Variants in PAWR observed in about 807,000 individuals in gnomAD.
PAWR encodes the protein pro-apoptotic WT1 regulator, also known as PRKC apoptosis WT1 regulator protein.
PAWR carries 23 observed loss-of-function variants against 32.0 expected under a neutral mutation model. The observed-to-expected ratio is 0.72, with a 90% CI of 0.52 to 1.02. The LOEUF (loss-of-function observed/expected upper bound fraction) is 1.02, where lower values mean the gene tolerates loss of function less well. Among genes scored for constraint, PAWR ranks in the 50% least tolerant of loss-of-function variants. PAWR has a pLI of 0.00. For missense variants in PAWR, 457 were observed against 437.7 expected, an observed-to-expected ratio of 1.04 and a Z score of -0.39; for synonymous variants, 226 against 187.1, an observed-to-expected ratio of 1.21 and a Z score of -1.70.
intron 2 of PAWR, among the ~76,000 whole-genome samples, chr12:79,645,067 C>CACACACAA (rs999026869): frequency 6.6e-6 from 1 of 151,300 alleles, no homozygotes; most frequent in African/African-American, 2.4e-5. Flanking sequence ...CACACACACA[C>CACACACAA]AAAAATCAAT....
intron 3 of PAWR, among the ~76,000 whole-genome samples, chr12:79,618,606 GT>G (rs1874858047): frequency 6.6e-6 from 1 of 151,964 alleles, no homozygotes. Flanking sequence ...TTAGCCTCTG[GT>G]AATCACCATT....
chr12:79,601,207 A>ATT (rs534042888), intron 4 of PAWR, among the ~76,000 whole-genome samples: 37 of 118,498 alleles, frequency 3.1e-4, no homozygotes, highest in Non-Finnish European at 5.4e-4. Context: ...GGAAACCTGA[A>ATT]TTTTTTTTTT....
intron 2 of PAWR, among the ~76,000 whole-genome samples, chr12:79,659,873 A>C (rs868213250): frequency 6.6e-6 from 1 of 152,170 alleles, no homozygotes; most frequent in African/African-American, 2.4e-5. Flanking sequence ...CAGACTCCCC[A>C]AAAGTAGTTT....
At chr12:79,657,807 G>C (rs1273308843) in intron 2 of PAWR, among the ~76,000 whole-genome samples, 1 of 151,232 alleles carries the variant, frequency 6.6e-6, no homozygotes, top group African/African-American at 2.4e-5. Flanking sequence ...AAAAAAAAAA[G>C]ATTCTCAAGG....
At chr12:79,638,862 T>TTATATATATATATA (rs1876105024) in intron 2 of PAWR, among the ~76,000 whole-genome samples, 1 of 25,428 alleles carries the variant, frequency 3.9e-5, no homozygotes, top group Non-Finnish European at 7.1e-5. Flanking sequence ...TGAGATGGAG[T>TTATATATATATATA]CATATATATA....
In PAWR at chr12:79,589,601, C is replaced by T. The variant is rs1289610607; in HGVS notation, c.*3006G>A. ...ATCCCTTAGTACCTATAAATACACACCCAAAAGCCCTTCCCTCCTTCTCTA... is the reference window on the plus strand; with the variant it reads ...ATCCCTTAGTACCTATAAATACACATCCAAAAGCCCTTCCCTCCTTCTCTA... On this transcript the variant is annotated 3_prime_UTR_variant, in exon 7 of 7. Coordinates refer to ENST00000328827, the MANE Select transcript of PAWR (RefSeq NM_002583.4). 1 of 152,094 alleles carries T rather than the reference C, an allele frequency of 6.6e-6. No homozygotes were observed. Among genetic ancestry groups the T allele is most frequent in the Non-Finnish European group, 1.5e-5 (1 of 67,988 alleles). The allele number at this position is 152,094 out of a possible 1,614,324, so 9.4% of individuals were successfully genotyped here. A position where few individuals can be genotyped will look rare whatever the true frequency, so the allele number is the denominator to read the frequency against.
intron 2 of PAWR, among the ~76,000 whole-genome samples, chr12:79,660,649 T>A (rs1192537653): frequency 6.7e-6 from 1 of 149,602 alleles, no homozygotes; most frequent in Non-Finnish European, 1.5e-5. Flanking sequence ...AGTGGCACAA[T>A]CTTGGCTCAC....
chr12:79,604,748 A>G (rs1241402328), intron 4 of PAWR: 1 of 1,192,882 alleles, frequency 8.4e-7, no homozygotes, highest in African/African-American at 1.6e-5. Context: ...ACACATAAGC[A>G]CATACACCAA....
At chr12:79,656,136 G>A (rs985316178) in intron 2 of PAWR, among the ~76,000 whole-genome samples, 10 of 152,148 alleles carry the variant, frequency 6.6e-5, no homozygotes, top group Non-Finnish European at 1.0e-4. Flanking sequence ...GAGACAGAAC[G>A]GGCAGAGGGA....
At chr12:79,690,507 C>A (rs1878962743) in intron 1 of PAWR, 116 bp from the exon 2 acceptor site, 1 of 480,432 alleles carries the variant, frequency 2.1e-6, no homozygotes, top group African/African-American at 2.0e-5. Flanking sequence ...CCAGTCACTA[C>A]CGGCCAGCAG....
At chr12:79,668,587 T>G (rs1316593434) in intron 2 of PAWR, among the ~76,000 whole-genome samples, 2 of 152,170 alleles carry the variant, frequency 1.3e-5, no homozygotes, top group Non-Finnish European at 2.9e-5. Flanking sequence ...CAGACATTGG[T>G]TAGATTCTCA....
intron 2 of PAWR, among the ~76,000 whole-genome samples, chr12:79,623,693 G>A (rs1281287749): frequency 1.3e-5 from 2 of 152,000 alleles, no homozygotes; most frequent in African/African-American, 4.8e-5. Context: ...TTGTGAAGGT[G>A]TCAACAGTCT....
chr12:79,623,533 CA>C (rs1192660160), intron 2 of PAWR, among the ~76,000 whole-genome samples: 1 of 151,686 alleles, frequency 6.6e-6, no homozygotes, highest in Non-Finnish European at 1.5e-5. Context: ...AGTAAATAAG[CA>C]AAAAATTTCC....
intron 2 of PAWR, among the ~76,000 whole-genome samples, chr12:79,651,712 G>T (rs112757082): frequency 6.7e-6 from 1 of 148,926 alleles, no homozygotes; most frequent in African/African-American, 2.4e-5. Flanking sequence ...GCGGGGGCTG[G>T]GGGGGTGGGG....
chr12:79,636,360 G>A (rs963876090), intron 2 of PAWR, among the ~76,000 whole-genome samples: 1 of 151,994 alleles, frequency 6.6e-6, no homozygotes, highest in Non-Finnish European at 1.5e-5. Flanking sequence ...TCTAATATAT[G>A]GAGAAGAGTA....
intron 2 of PAWR, among the ~76,000 whole-genome samples, chr12:79,654,698 C>T (rs8176822): frequency 0.5 from 76,395 of 152,060 alleles, 23,876 homozygotes; most frequent in Non-Finnish European, 0.68. Context: ...TGGAGGAAGG[C>T]GAAGCAGGCA....
At chr12:79,638,336 T>C (rs987738954) in intron 2 of PAWR, among the ~76,000 whole-genome samples, 5 of 152,174 alleles carry the variant, frequency 3.3e-5, no homozygotes, top group African/African-American at 4.8e-5. Context: ...ATGTTGTCTG[T>C]CAATTTCATT....
chr12:79,613,147 G>A (rs768044911), intron 4 of PAWR, among the ~76,000 whole-genome samples: 5 of 152,198 alleles, frequency 3.3e-5, no homozygotes, highest in Non-Finnish European at 7.3e-5. Context: ...CTATAAGGCA[G>A]GAAGAGAGTC....
chr12:79,656,671 T>C (rs547155716), intron 2 of PAWR, among the ~76,000 whole-genome samples: 1 of 152,304 alleles, frequency 6.6e-6, no homozygotes, highest in Non-Finnish European at 1.5e-5. Flanking sequence ...AAATATAGAT[T>C]AGTAAATTCA....
Sources: allele counts gnomAD v4.1 joint callset (sites outside exome capture counted in the v4.1 genomes callset), GRCh38; gene constraint gnomAD v4.1.1; transcripts MANE v1.5; gene names NCBI Gene and HGNC (gene_info 2026-07-23, HGNC 2026-07-21).